Variants in SRPRB observed in about 807,000 individuals in gnomAD.
SRPRB encodes the protein SRP receptor subunit beta, also known as signal recognition particle receptor subunit beta.
A neutral mutation model predicts 31.9 loss-of-function variants in SRPRB; 20 were observed. That is an observed-to-expected ratio of 0.63 (90% CI 0.44 to 0.91). SRPRB has a LOEUF of 0.91. SRPRB is among the 40% of genes least tolerant of loss of function. The pLI is 0.00. For synonymous variants in SRPRB, 146 were observed against 132.8 expected (o/e 1.10, Z -0.68); for missense variants, 321 against 324.9 (o/e 0.99, Z 0.09).
downstream of SRPRB, chr3:133,827,584 G>A (rs1935585412): frequency 5.8e-6 from 2 of 345,646 alleles, no homozygotes; most frequent in Admixed American, 8.8e-5. Context: ...CCACAGCGCA[G>A]CCACAGTAGC....
Position 133,819,462 on chromosome 3 carries a change from T to G in SRPRB, c.603-91T>G, listed in dbSNP as rs1476267095. The G allele has an allele frequency of 5.5e-6, 7 of 1,262,824 alleles. No individual in the cohort carries two copies. In the East Asian group the frequency reaches 1.4e-4, roughly 26 times the overall value. 78.2% of individuals were successfully genotyped at this position (1,262,824 alleles called of 1,614,324 possible). A position where few individuals can be genotyped will look rare whatever the true frequency, so the allele number is the denominator to read the frequency against. On this transcript the variant is annotated intron_variant, in intron 6 of 6. Coordinates refer to ENST00000678299, the MANE Select transcript of SRPRB (RefSeq NM_001379313.1). ...ATAATTGGCAATTCTATAGTTAAGT[T>G]TTAAATGAGTGCTGAAATGTTTAGA...
At chr3:133,823,614 G>C (rs922486989), downstream of SRPRB, among the ~76,000 whole-genome samples, 5 of 152,264 alleles carry the variant, frequency 3.3e-5, no homozygotes, top group East Asian at 9.6e-4. Context: ...TGAGATTCCC[G>C]GGCAAGGGCA....
chr3:133,819,612 C>A lies in SRPRB; in HGVS notation c.662C>A (p.Ala221Asp), dbSNP rs1935431915. The change falls in exon 7 of 7, where the codon GCC becomes GAC. Residue 221 changes from alanine (A) to aspartate (D), a missense_variant. Physicochemically the swap from Ala to Asp is moderately radical, Grantham distance 126. Coordinates refer to ENST00000678299, the MANE Select transcript of SRPRB (RefSeq NM_001379313.1). Reference sequence around the variant, plus strand: ...AGCACACTGGACAGTTCCAGCACTGCCCCTGCTCAGCTGGGGAAGAAAGGC... The same window carrying A: ...AGCACACTGGACAGTTCCAGCACTGACCCTGCTCAGCTGGGGAAGAAAGGC... ...APSTLDSSSTAPAQLGKKGKE... is the reference protein window; with the variant it reads ...APSTLDSSSTDPAQLGKKGKE... 2 of 1,614,224 alleles carry A rather than the reference C, an allele frequency of 1.2e-6. No individual in the cohort carries two copies. The highest frequency in any genetic ancestry group is 2.2e-5 in the East Asian group (1 of 44,892).
At chr3:133,828,021 C>G, downstream of SRPRB, 1 of 702,674 alleles carries the variant, frequency 1.4e-6, no homozygotes, top group Non-Finnish European at 2.6e-6. Context: ...CTGCCAGTCC[C>G]TGAGGGCACA....
chr3:133,822,596 G>T (rs1935491422), downstream of SRPRB, among the ~76,000 whole-genome samples: 1 of 152,202 alleles, frequency 6.6e-6, no homozygotes, highest in South Asian at 2.1e-4. Flanking sequence ...CTCTGTCTCA[G>T]TGCCTCCTGG....
chr3:133,812,114 TTTAGAATATATCTTATAG>T (rs1446105739), intron 4 of SRPRB, among the ~76,000 whole-genome samples: 63 of 152,362 alleles, frequency 4.1e-4, no homozygotes, highest in African/African-American at 1.3e-3. Context: ...TATCTCTGAA[TTTAGAATATATCTTATAG>T]TTGATGGTGT....
intron 4 of SRPRB, among the ~76,000 whole-genome samples, chr3:133,814,163 G>A (rs1204127698): frequency 6.2e-5 from 9 of 145,308 alleles, no homozygotes; most frequent in East Asian, 2.0e-4. Context: ...ACGGAGTCTC[G>A]CTCTGTTGCC....
chr3:133,800,395 G>A (rs1935044364), intron 1 of SRPRB, among the ~76,000 whole-genome samples: 1 of 152,166 alleles, frequency 6.6e-6, no homozygotes, highest in African/African-American at 2.4e-5. Context: ...GCAATCAAGT[G>A]AGTGAGTCAG....
intron 1 of SRPRB, chr3:133,794,262 A>G (rs1934913141): frequency 6.6e-6 from 1 of 152,236 alleles, no homozygotes; most frequent in Non-Finnish European, 1.5e-5. Flanking sequence ...AATTGAATAT[A>G]TTGATGTGGT....
downstream of SRPRB, chr3:133,827,752 C>G (rs1305509565): frequency 1.5e-4 from 13 of 86,156 alleles, no homozygotes; most frequent in South Asian, 1.4e-3. Context: ...CAACACCCCC[C>G]CCCCCCCCCG....
intron 1 of SRPRB, chr3:133,791,937 C>T (rs1322984209): frequency 1.3e-5 from 2 of 152,102 alleles, no homozygotes; most frequent in Non-Finnish European, 2.9e-5. Context: ...GTAATGCCTT[C>T]TATTTACTTC....
At chr3:133,828,543 A>G (rs1441532830), downstream of SRPRB, 2 of 499,192 alleles carry the variant, frequency 4.0e-6, no homozygotes, top group African/African-American at 4.0e-5. Context: ...GTTTTTGGCA[A>G]TCTTAATAAA....
chr3:133,792,427 T>C (rs1934863789), intron 1 of SRPRB: 1 of 152,232 alleles, frequency 6.6e-6, no homozygotes, highest in Non-Finnish European at 1.5e-5. Flanking sequence ...AATGCCACTA[T>C]GACTCTTAAC....
intron 1 of SRPRB, chr3:133,790,885 AT>A (rs1457398556): frequency 4.6e-5 from 7 of 152,170 alleles, no homozygotes; most frequent in African/African-American, 1.7e-4. Flanking sequence ...CAAAATATTC[AT>A]TATGTGGGTT....
chr3:133,784,470 AAAAT>A (rs1163684556), intron 1 of SRPRB: 12 of 96,298 alleles, frequency 1.2e-4, no homozygotes, highest in Admixed American at 7.8e-4. Flanking sequence ...ATTTGTTAAA[AAAAT>A]AATAATAATA....
intron 3 of SRPRB, 75 bp downstream of exon 3, chr3:133,807,898 A>G (rs1935192136): frequency 9.0e-7 from 1 of 1,113,538 alleles, no homozygotes; most frequent in African/African-American, 1.6e-5. Flanking sequence ...CATTTTTAGG[A>G]TGAGTTCATC....
chr3:133,800,785 C>T (rs1935049635), intron 1 of SRPRB, among the ~76,000 whole-genome samples: 2 of 152,170 alleles, frequency 1.3e-5, no homozygotes, highest in South Asian at 4.1e-4. Flanking sequence ...ACACAGTAGG[C>T]CTGGGATCAT....
downstream of SRPRB, among the ~76,000 whole-genome samples, chr3:133,824,035 G>A (rs116492412): frequency 1.5e-3 from 229 of 152,278 alleles, 1 homozygote; most frequent in African/African-American, 5.3e-3. Context: ...ACTCTCATGA[G>A]TGTGTCCCAT....
chr3:133,790,035 G>A (rs1186630412), intron 1 of SRPRB: 1 of 151,848 alleles, frequency 6.6e-6, no homozygotes, highest in East Asian at 1.9e-4. Context: ...TGGTTAACAG[G>A]GAAATAACTG....
Sources: gnomAD v4.1 joint callset for allele counts (sites outside exome capture counted in the v4.1 genomes callset) on GRCh38, gnomAD v4.1.1 for gene constraint, MANE v1.5 for transcripts, NCBI Gene and HGNC (gene_info 2026-07-23, HGNC 2026-07-21) for gene names.